The following HIPK4 variants were observed in gnomAD, a reference collection of about 807,000 sequenced individuals.
HIPK4 encodes the protein homeodomain-interacting protein kinase 4.
HIPK4 carries 26 observed loss-of-function variants against 44.8 expected under a neutral mutation model. The observed-to-expected ratio is 0.58, with a 90% confidence interval of 0.43 to 0.80. HIPK4 has a LOEUF of 0.80. Ranked by LOEUF, HIPK4 falls within the 30% of genes least tolerant of loss-of-function variation. The pLI is 0.00. For synonymous variants in HIPK4, 340 were observed against 355.5 expected, an observed-to-expected ratio of 0.96 and a Z score of 0.49; for missense variants, 729 against 862.6, an observed-to-expected ratio of 0.85 and a Z score of 1.94.
In HIPK4 at chr19:40,380,468, C is replaced by G. The variant is rs753354451; in HGVS notation, c.1523G>C (p.Ser508Thr). ...DSNFSNLIRL[S>T]QVSPEDDRPC... ...CCTGTCATCCTCAGGCGAGACCTGG[C>G]TCAGCCGAATGAGGTTGCTGAAGTT... The change falls in exon 3 of 4, where the codon AGC becomes ACC. Residue 508 changes from serine to threonine, a missense_variant. Ser to Thr is a moderately conservative substitution (Grantham distance 58, BLOSUM62 1). Around this residue, in one of 2 missense-constraint regions of HIPK4, gnomAD observed 533 missense variants for 567.5 expected, o/e 0.94. Transcript: ENST00000291823. This position sits in a 1 kb window ranked among gnomAD's most constrained non-coding sequence, Gnocchi z 4.2. 6.2e-7 allele frequency: 1 copy of G among 1,613,712 alleles called. No individual in the cohort carries two copies. The highest frequency in any genetic ancestry group is 8.5e-7 in the Non-Finnish European group (1 of 1,180,040).
rs769980915 is a variant in HIPK4, at chr19:40,380,454, C to T, written c.1537G>A (p.Glu513Lys). 26 of 1,613,858 alleles carry T rather than the reference C, an allele frequency of 1.6e-5. No individual in the cohort carries two copies. Among genetic ancestry groups the T allele is most frequent in the Non-Finnish European group, 2.1e-5 (25 of 1,180,046 alleles). ...NLIRLSQVSPEDDRPCRGSSW... is the reference protein window; with the variant it reads ...NLIRLSQVSPKDDRPCRGSSW... ...CTGCCCCGGCAGGGCCTGTCATCCT[C>T]AGGCGAGACCTGGCTCAGCCGAATG... is the stretch of plus-strand genomic sequence containing the variant. Residue 513 changes from glutamate (E) to lysine (K), a missense_variant, in exon 3 of 4, where the codon GAG becomes AAG. Transcript: ENST00000291823. This position sits in a 1 kb window ranked among gnomAD's most constrained non-coding sequence, Gnocchi z 4.2.
chr19:40,381,279 T>A (rs974249486), intron 2 of HIPK4, 111 bp from the exon 3 acceptor site: 67 of 897,594 alleles, frequency 7.5e-5, no homozygotes, highest in Non-Finnish European at 1.1e-4. Flanking sequence ...CTGCCCATGA[T>A]CTGCCTTGGA....
At chr19:40,381,784 C>CTTTTTTTTTT (rs55780075) in intron 2 of HIPK4, among the ~76,000 whole-genome samples, 11 of 72,330 alleles carry the variant, frequency 1.5e-4, no homozygotes, top group Non-Finnish European at 2.1e-4. Flanking sequence ...CACTCAGATC[C>CTTTTTTTTTT]TTTTTTTTTT....
In HIPK4 at chr19:40,380,237, TCA is replaced by T; in HGVS notation, c.1668+84_1668+85del. On this transcript the variant is annotated intron_variant, in intron 3 of 3. Coordinates refer to ENST00000291823, the MANE Select transcript of HIPK4 (RefSeq NM_144685.5). The surrounding 1 kb of genome is among the most constrained non-coding windows in gnomAD (Gnocchi z 4.2). ...ATGGGTGAGTGTGTGTTGAGCCTCC[TCA>T]CACACTAATCATATCCTGAGCACGG... The T allele has an allele frequency of 6.7e-7, 1 of 1,488,946 alleles. No individual in the cohort carries two copies. Among genetic ancestry groups the T allele is most frequent in the Non-Finnish European group, 9.0e-7 (1 of 1,107,784 alleles). 92.2% of individuals were successfully genotyped at this position (1,488,946 alleles called of 1,614,324 possible).
chr19:40,384,035 C>CA lies in HIPK4; in HGVS notation c.569dup (p.Pro191AlafsTer17). 1 of 1,613,994 alleles carries CA rather than the reference C, an allele frequency of 6.2e-7. No individual in the cohort carries two copies. The highest frequency in any genetic ancestry group is 8.5e-7 in the Non-Finnish European group (1 of 1,179,872). ...ACACGTCCACCTTCTCGCAGAAGGG[C>CA]AGCCCCAGCAGGATCTCAGGGGCCC... On this transcript the variant is annotated frameshift_variant, in exon 2 of 4. Transcript: ENST00000291823. LOFTEE classifies it high-confidence loss of function.
At chr19:40,385,623 C>CATCA (rs1235054472) in intron 1 of HIPK4, among the ~76,000 whole-genome samples, 2 of 151,592 alleles carry the variant, frequency 1.3e-5, no homozygotes, top group Non-Finnish European at 2.9e-5. Flanking sequence ...AAGCATCAGC[C>CATCA]ATCAGTCCCC....
intron 2 of HIPK4, among the ~76,000 whole-genome samples, chr19:40,383,164 C>A (rs1174742867): frequency 3.4e-5 from 5 of 145,762 alleles, no homozygotes; most frequent in Admixed American, 6.8e-5. Context: ...CTCACTGCAA[C>A]CTCCGCCCTC....
chr19:40,384,536 C>G (rs535207023), intron 1 of HIPK4, among the ~76,000 whole-genome samples: 2 of 151,736 alleles, frequency 1.3e-5, no homozygotes, highest in East Asian at 3.9e-4. Flanking sequence ...AACTCCTGAC[C>G]TCATGTGACC....
chr19:40,379,547 C>G lies in HIPK4; in HGVS notation c.*40G>C. 2.1e-6 allele frequency: 3 copies of G among 1,454,000 alleles called. No homozygotes were observed. Among genetic ancestry groups the G allele is most frequent in the Non-Finnish European group, 2.7e-6 (3 of 1,099,206 alleles). 90.1% of individuals were successfully genotyped at this position (1,454,000 alleles called of 1,614,324 possible). ...AGGTTGGGAGGGAATGCCAGCCCAG[C>G]TAGCGCAGCCCCCAGTGATGGGCAG... On this transcript the variant is annotated 3_prime_UTR_variant, in exon 4 of 4. Transcript: ENST00000291823.
chr19:40,379,840 C>T, intron 3 of HIPK4, 71 bp from the exon 4 acceptor site: 1 of 1,480,760 alleles, frequency 6.8e-7, no homozygotes, highest in Non-Finnish European at 9.1e-7. Flanking sequence ...CCTCTGTCAC[C>T]TCCTCCTGAT....
rs766371069 is a variant in HIPK4 at position 40,379,630 on chromosome 19, C to G, written c.1808G>C (p.Arg603Pro). Reference sequence around the variant, plus strand: ...ATGCTGGAGGAAGCTGGTGGCCCCCCGGGGTGGACCATGCTGGTGGGAGCG... The same window carrying G: ...ATGCTGGAGGAAGCTGGTGGCCCCCGGGGGTGGACCATGCTGGTGGGAGCG... ...PRRSHQHGPP[R>P]GATSFLQHVT... The change falls in exon 4 of 4, where the codon CGG becomes CCG. Residue 603 changes from arginine to proline, a missense_variant. Arg to Pro is a moderately radical substitution (Grantham distance 103). This residue lies in a region of HIPK4 where 533 missense variants were observed against 567.5 expected (regional missense o/e 0.94). Transcript: ENST00000291823. The G allele has an allele frequency of 1.9e-6, 3 of 1,551,784 alleles. No individual in the cohort carries two copies.
intron 1 of HIPK4, 74 bp from the exon 2 acceptor site, chr19:40,384,213 C>T (rs1159205766): frequency 3.4e-6 from 4 of 1,165,102 alleles, no homozygotes; most frequent in South Asian, 1.5e-5. Flanking sequence ...ACCCCGGCAT[C>T]TTTCACCTGG....
In HIPK4 at chr19:40,383,918, T is replaced by G; in HGVS notation, c.687A>C (p.Glu229Asp). ...GGTGTGGCTTGGGCAGGCCCTGGGT[T>G]TCGCAGATGTAGCGCACCTGGTCGT... ...NEYDQVRYIC[E>D]TQGLPKPHLL... Residue 229 changes from glutamate to aspartate, a missense_variant, in exon 2 of 4, where the codon GAA (glutamate) becomes GAC (aspartate). Glu to Asp is a conservative substitution (Grantham distance 45). Around this residue, in one of 2 missense-constraint regions of HIPK4, gnomAD observed 533 missense variants for 567.5 expected, o/e 0.94. Coordinates refer to ENST00000291823, the MANE Select transcript of HIPK4 (RefSeq NM_144685.5). 1 of 1,614,092 alleles carries G rather than the reference T, an allele frequency of 6.2e-7. No homozygotes were observed. The highest frequency in any genetic ancestry group is 8.5e-7 in the Non-Finnish European group (1 of 1,180,004).
chr19:40,384,397 C>T (rs902561650), intron 1 of HIPK4, among the ~76,000 whole-genome samples: 3 of 151,974 alleles, frequency 2.0e-5, no homozygotes, highest in African/African-American at 7.3e-5. Flanking sequence ...TCCACCTCCC[C>T]GGTTCAAGCG....
At chr19:40,388,599 T>C (rs1224538122) in intron 1 of HIPK4, among the ~76,000 whole-genome samples, 3 of 152,196 alleles carry the variant, frequency 2.0e-5, no homozygotes, top group African/African-American at 4.8e-5. Context: ...ATCCACCTTT[T>C]TCTGTCTCTG....
chr19:40,385,683 CTTTTTTT>C (rs142414559), intron 1 of HIPK4, among the ~76,000 whole-genome samples: 20 of 67,022 alleles, frequency 3.0e-4, no homozygotes, highest in Admixed American at 1.3e-3. Flanking sequence ...CTTTTCTTTT[CTTTTTTT>C]TTTTTTTTTT....
Position 40,379,451 on chromosome 19 carries a change from A to T in HIPK4, c.*136T>A. The T allele has an allele frequency of 1.2e-6, 1 of 804,070 alleles. No individual in the cohort carries two copies. Among genetic ancestry groups the T allele is most frequent in the Non-Finnish European group, 1.9e-6 (1 of 535,842 alleles). The allele number at this position is 804,070 out of a possible 1,614,324, so 49.8% of individuals were successfully genotyped here. On this transcript the variant is annotated 3_prime_UTR_variant, in exon 4 of 4. Coordinates refer to ENST00000291823, the MANE Select transcript of HIPK4 (RefSeq NM_144685.5). Reference sequence around the variant, plus strand: ...CGCACCGCACCGCAGACGGGGAATGAGAATTTCTGGATAACTATCTTTCTG... The same window carrying T: ...CGCACCGCACCGCAGACGGGGAATGTGAATTTCTGGATAACTATCTTTCTG...
rs769433752 is a variant in HIPK4, at chr19:40,380,739, TCTC to T, written c.1249_1251del (p.Glu417del). On this transcript the variant is annotated inframe_deletion, in exon 3 of 4. Coordinates refer to ENST00000291823, the MANE Select transcript of HIPK4 (RefSeq NM_144685.5). The surrounding 1 kb of genome is among the most constrained non-coding windows in gnomAD (Gnocchi z 4.2). ...ATGGCTCTTTGCATACCTGGTGCCT[TCTC>T]CTCTCGGAAGAAGGGGCTGCTGCCG... is the stretch of plus-strand genomic sequence containing the variant. 3.5e-5 allele frequency: 56 copies of T among 1,613,980 alleles called. No individual in the cohort carries two copies. The African/African-American group carries it at 5.5e-4, about 16-fold the overall frequency.
chr19:40,385,867 G>A (rs1162152535), intron 1 of HIPK4, among the ~76,000 whole-genome samples: 4 of 149,126 alleles, frequency 2.7e-5, no homozygotes, highest in Admixed American at 2.0e-4. Flanking sequence ...ACCACCATGC[G>A]CAGCTAATTT....
Sources: gnomAD v4.1 joint callset for allele counts (sites outside exome capture counted in the v4.1 genomes callset) on GRCh38, gnomAD v4.1.1 for gene constraint, gnomAD v4.1.1 regional missense constraint, Gnocchi (gnomAD v3.1) non-coding constraint, MANE v1.5 for transcripts, NCBI Gene and HGNC (gene_info 2026-07-23, HGNC 2026-07-21) for gene names.